Variants in CPQ observed in about 807,000 individuals in gnomAD.
CPQ encodes Ser-Met dipeptidase.
In CPQ, 37 loss-of-function variants were observed where a neutral mutation model predicts 45.7. The ratio of observed to expected loss-of-function variants is 0.81; its 90% CI spans 0.62 to 1.07. CPQ has a LOEUF of 1.07. Ranked by LOEUF, CPQ falls within the 50% of genes least tolerant of loss-of-function variation. The pLI is 0.00. For missense variants in CPQ, 537 were observed against 572.9 expected, an observed-to-expected ratio of 0.94 and a Z score of 0.64; for synonymous variants, 186 against 205.8, an observed-to-expected ratio of 0.90 and a Z score of 0.82.
At chr8:96,662,513 A>G (rs929983493) in intron 1 of CPQ, among the ~76,000 whole-genome samples, 10 of 152,182 alleles carry the variant, frequency 6.6e-5, no homozygotes, top group Admixed American at 1.3e-4. Flanking sequence ...CTAATGAAGA[A>G]CTGCATCCTT....
intron 5 of CPQ, among the ~76,000 whole-genome samples, chr8:96,972,860 C>G (rs1453191916): frequency 1.3e-5 from 2 of 152,138 alleles, no homozygotes; most frequent in East Asian, 3.9e-4. Context: ...AGGGAGCATC[C>G]CGTGGGACAA....
At chr8:96,916,007 T>C (rs983257815) in intron 4 of CPQ, among the ~76,000 whole-genome samples, 1 of 152,120 alleles carries the variant, frequency 6.6e-6, no homozygotes, top group African/African-American at 2.4e-5. Flanking sequence ...AGAATCCCTG[T>C]AAGAATGGAA....
intron 2 of CPQ, among the ~76,000 whole-genome samples, chr8:96,799,612 T>C (rs1023276842): frequency 6.6e-6 from 1 of 152,182 alleles, no homozygotes; most frequent in East Asian, 1.9e-4. Context: ...GCAAATTCCT[T>C]CTCTCTGTAT....
intron 7 of CPQ, among the ~76,000 whole-genome samples, chr8:97,069,471 A>C (rs11990753): frequency 0.11 from 14,386 of 133,872 alleles, 1,386 homozygotes; most frequent in African/African-American, 0.3. Context: ...ATCTGTCTCT[A>C]AAAAAAAAAA....
chr8:96,677,188 C>T (rs1399868699), intron 1 of CPQ, among the ~76,000 whole-genome samples: 2 of 152,088 alleles, frequency 1.3e-5, no homozygotes, highest in African/African-American at 4.8e-5. Flanking sequence ...GGTAGATATT[C>T]AGTAGCGGGA....
At chr8:96,671,145 C>T (rs1443629000) in intron 1 of CPQ, among the ~76,000 whole-genome samples, 1 of 152,212 alleles carries the variant, frequency 6.6e-6, no homozygotes, top group Admixed American at 6.5e-5. Flanking sequence ...GCGTACTTTA[C>T]TGTATGTAGC....
At position 96,785,004 on chromosome 8, in the gene CPQ, T is replaced by A; in HGVS notation, c.107T>A (p.Ile36Lys). 1 of 1,613,636 alleles carries A rather than the reference T, an allele frequency of 6.2e-7. No homozygotes were observed. Among genetic ancestry groups the A allele is most frequent in the Non-Finnish European group, 8.5e-7 (1 of 1,179,768 alleles). ...NGISKRTFEE[I>K]KEEIASCGDV... ...ATCTCTAAGAGGACTTTTGAAGAAA[T>A]AAAAGAAGAAATAGCCAGCTGTGGA... The change falls in exon 2 of 8, where the codon ATA becomes AAA. Residue 36 changes from isoleucine (I) to lysine (K), a missense_variant. Transcript: ENST00000220763.
intron 1 of CPQ, among the ~76,000 whole-genome samples, chr8:96,717,540 G>A (rs1180774717): frequency 1.3e-5 from 2 of 152,006 alleles, no homozygotes; most frequent in Non-Finnish European, 2.9e-5. Context: ...CCTTGCTTTG[G>A]CTATGTAGGC....
intron 1 of CPQ, among the ~76,000 whole-genome samples, chr8:96,719,747 G>C (rs1426721825): frequency 6.6e-6 from 1 of 152,194 alleles, no homozygotes; most frequent in Non-Finnish European, 1.5e-5. Context: ...CCTGGAGACT[G>C]GGAATGCACA....
chr8:96,733,011 T>A (rs1809932467), intron 1 of CPQ, among the ~76,000 whole-genome samples: 1 of 152,184 alleles, frequency 6.6e-6, no homozygotes, highest in African/African-American at 2.4e-5. Flanking sequence ...GACTCAATGT[T>A]TTATCCTGAT....
chr8:97,067,230 A>G (rs184775060), intron 7 of CPQ, among the ~76,000 whole-genome samples: 1 of 152,160 alleles, frequency 6.6e-6, no homozygotes, highest in East Asian at 1.9e-4. Flanking sequence ...CCTGGCCTCT[A>G]GAACAGTCTT....
intron 2 of CPQ, among the ~76,000 whole-genome samples, 173 bp from the exon 3 acceptor site, chr8:96,834,800 G>A (rs1385498105): frequency 6.6e-6 from 1 of 152,106 alleles, no homozygotes; most frequent in East Asian, 1.9e-4. Context: ...ACTCTCTTGG[G>A]AAGTTGGCTA....
rs555796689 is a variant in CPQ, at chr8:96,907,264, A to G, written c.849+27259A>G. 3.3e-5 allele frequency among the ~76,000 whole-genome samples: 5 copies of G among 152,230 alleles called. No individual in the cohort carries two copies. The East Asian group carries it at 5.8e-4, about 18-fold the overall frequency. On this transcript the variant is annotated intron_variant, in intron 4 of 7. Coordinates refer to ENST00000220763, the MANE Select transcript of CPQ (RefSeq NM_016134.4). ...GGTCATTCGGTGAGAGGTTCCTTCT[A>G]TCTTGTTGCCCTGCTGTCACGTAGG...
intron 1 of CPQ, among the ~76,000 whole-genome samples, chr8:96,710,453 A>C (rs1197278210): frequency 6.6e-6 from 1 of 152,076 alleles, no homozygotes; most frequent in Non-Finnish European, 1.5e-5. Flanking sequence ...ATTAATTTGT[A>C]ATCTTTCAGG....
chr8:96,862,566 C>T (rs1811940174), intron 3 of CPQ, among the ~76,000 whole-genome samples: 1 of 151,724 alleles, frequency 6.6e-6, no homozygotes, highest in Non-Finnish European at 1.5e-5. Context: ...GACTTTTGAC[C>T]AGGGAATGAT....
chr8:97,067,847 A>G (rs978517436), intron 7 of CPQ, among the ~76,000 whole-genome samples: 1 of 152,226 alleles, frequency 6.6e-6, no homozygotes, highest in Non-Finnish European at 1.5e-5. Flanking sequence ...AACATGATCT[A>G]AGTGTAGGGG....
At chr8:96,756,321 T>G (rs1810326623) in intron 1 of CPQ, among the ~76,000 whole-genome samples, 1 of 152,116 alleles carries the variant, frequency 6.6e-6, no homozygotes, top group Admixed American at 6.6e-5. Flanking sequence ...AATTTCCCAA[T>G]TTAGCATTCT....
At chr8:96,880,978 GA>G (rs919364191) in intron 4 of CPQ, among the ~76,000 whole-genome samples, 1 of 152,140 alleles carries the variant, frequency 6.6e-6, no homozygotes, top group African/African-American at 2.4e-5. Flanking sequence ...TTGAAGGACA[GA>G]ATGGTATTCG....
intron 4 of CPQ, among the ~76,000 whole-genome samples, chr8:96,902,755 C>A (rs1445266528): frequency 6.6e-6 from 1 of 152,112 alleles, no homozygotes; most frequent in Non-Finnish European, 1.5e-5. Context: ...CAATGTGGCC[C>A]CACATGTGTT....
Sources: allele counts gnomAD v4.1 joint callset (sites outside exome capture counted in the v4.1 genomes callset), GRCh38; gene constraint gnomAD v4.1.1; transcripts MANE v1.5; gene names NCBI Gene and HGNC (gene_info 2026-07-23, HGNC 2026-07-21).